ANK2: variants seen among roughly 807,000 people sequenced by gnomAD.
The protein encoded by ANK2 is ankyrin 2.
In ANK2, 83 loss-of-function variants were observed where a neutral mutation model predicts 360.5. The observed-to-expected ratio is 0.23, with a 90% CI of 0.19 to 0.28. ANK2 has a LOEUF of 0.28. Ranked by LOEUF, ANK2 falls within the 10% of genes least tolerant of loss-of-function variation. The pLI is 1.00. For missense variants in ANK2, 4,201 were observed against 4,795.7 expected (o/e 0.88, Z 3.66); for synonymous variants, 1,740 against 1,759.5 (o/e 0.99, Z 0.28).
intron 24 of ANK2, among the ~76,000 whole-genome samples, chr4:113,314,256 T>G (rs1234568573): frequency 3.3e-5 from 5 of 152,228 alleles, no homozygotes; most frequent in African/African-American, 1.2e-4. Flanking sequence ...AGAAGCTTCT[T>G]CATATCTTAA....
intron 2 of ANK2, among the ~76,000 whole-genome samples, chr4:112,930,354 G>A (rs2093060435): frequency 6.6e-6 from 1 of 151,940 alleles, no homozygotes; most frequent in African/African-American, 2.4e-5. Flanking sequence ...AGGCTGAGGT[G>A]GGAGGATCAC....
At chr4:113,218,673 A>G (rs1419847907) in intron 4 of ANK2, among the ~76,000 whole-genome samples, 1 of 152,174 alleles carries the variant, frequency 6.6e-6, no homozygotes, top group Non-Finnish European at 1.5e-5. Context: ...TTTTGATGTT[A>G]GGTGTGTTTT....
At chr4:113,147,880 C>A (rs1443722958) in intron 1 of ANK2, among the ~76,000 whole-genome samples, 1 of 152,202 alleles carries the variant, frequency 6.6e-6, no homozygotes, top group Non-Finnish European at 1.5e-5. Flanking sequence ...GAACAAAACT[C>A]AGCTGTTTTT....
At chr4:112,774,944 C>T in the ANK2 span, among the ~76,000 whole-genome samples, 15 of 152,152 alleles carry the variant, frequency 9.9e-5, no homozygotes, top group East Asian at 1.2e-3. Context: ...AGAATCAGGC[C>T]GCTGGAGAAT....
intron 2 of ANK2, among the ~76,000 whole-genome samples, chr4:112,954,597 T>C (rs188534418): frequency 1.3e-5 from 2 of 152,332 alleles, no homozygotes; most frequent in African/African-American, 4.8e-5. Flanking sequence ...TGGGTTTTAC[T>C]ACTCATTGAT....
rs368659061 is a variant in ANK2, at chr4:113,113,569, C to A, written c.85-60847C>A. ...ATGTGAACGGACAGTGTGCTCCTTA[C>A]CTTTGAAGGCAGACACAAGTTTATC... is the stretch of plus-strand genomic sequence containing the variant. On this transcript the variant is annotated intron_variant, in intron 1 of 45. Transcript: ENST00000357077. Among the ~76,000 whole-genome samples the A allele has an allele frequency of 1.4e-4, 21 of 152,156 alleles. No individual in the cohort carries two copies. In the East Asian group the frequency reaches 1.5e-3, roughly 11 times the overall value.
chr4:113,258,253 A>G (rs2050597181), intron 12 of ANK2, 60 bp from the exon 13 acceptor site: 1 of 1,588,414 alleles, frequency 6.3e-7, no homozygotes, highest in South Asian at 1.1e-5. Context: ...TATTTATCTG[A>G]AGAAGCCCCA....
At chr4:112,773,101 T>G in the ANK2 span, among the ~76,000 whole-genome samples, 1 of 152,130 alleles carries the variant, frequency 6.6e-6, no homozygotes, top group African/African-American at 2.4e-5. Flanking sequence ...GCAGATCACT[T>G]GAGCCCTGGG....
chr4:113,130,711 A>G (rs928566578), intron 1 of ANK2, among the ~76,000 whole-genome samples: 6 of 152,188 alleles, frequency 3.9e-5, no homozygotes, highest in African/African-American at 7.2e-5. Flanking sequence ...CCTAATAACC[A>G]TAGGTTTCTA....
intron 2 of ANK2, among the ~76,000 whole-genome samples, chr4:113,181,078 A>G (rs970495229): frequency 2.0e-5 from 3 of 152,230 alleles, no homozygotes; most frequent in Admixed American, 1.3e-4. Flanking sequence ...AAGTAAATCC[A>G]GTAGAGAGTT....
chr4:113,202,687 A>T (rs900082565), intron 4 of ANK2, among the ~76,000 whole-genome samples: 8 of 152,212 alleles, frequency 5.3e-5, no homozygotes, highest in Non-Finnish European at 1.2e-4. Flanking sequence ...TTGGAATTAT[A>T]GGTTATGGGG....
chr4:113,318,583 G>C lies in ANK2; in HGVS notation c.2863G>C (p.Asp955His), dbSNP rs768070511. ...CCTAAGCTGGGGCACTGAGAACTTAGACAACGTGGCTCTTTCTTCTAGTCC... is the reference window on the plus strand; with the variant it reads ...CCTAAGCTGGGGCACTGAGAACTTACACAACGTGGCTCTTTCTTCTAGTCC... ...YRLSWGTENLDNVALSSSPIH... is the reference protein window; with the variant it reads ...YRLSWGTENLHNVALSSSPIH... The change falls in exon 26 of 46, where the codon GAC becomes CAC. Residue 955 changes from aspartate to histidine, a missense_variant. Coordinates refer to ENST00000357077, the MANE Select transcript of ANK2 (RefSeq NM_001148.6). 2.5e-6 allele frequency: 4 copies of C among 1,613,706 alleles called. No individual in the cohort carries two copies. The highest frequency in any genetic ancestry group is 1.7e-5 in the Admixed American group (1 of 60,008).
At chr4:113,132,070 A>T (rs2096072357) in intron 1 of ANK2, among the ~76,000 whole-genome samples, 1 of 152,216 alleles carries the variant, frequency 6.6e-6, no homozygotes, top group African/African-American at 2.4e-5. Flanking sequence ...ATATAAAAGA[A>T]AAAATAGAAA....
intron 1 of ANK2, chr4:112,826,315 G>A: frequency 1.3e-6 from 1 of 782,822 alleles, no homozygotes; most frequent in South Asian, 1.7e-5. Context: ...TTTTGCTTCA[G>A]ACTTCGAAAA....
chr4:113,073,794 T>C (rs1322062512), intron 1 of ANK2, among the ~76,000 whole-genome samples: 1 of 152,224 alleles, frequency 6.6e-6, no homozygotes, highest in Non-Finnish European at 1.5e-5. Context: ...CCTCATCCAA[T>C]GGTGCCCAGG....
chr4:113,232,321 A>G, intron 5 of ANK2, 62 bp downstream of exon 5: 1 of 1,265,160 alleles, frequency 7.9e-7, no homozygotes, highest in Non-Finnish European at 1.2e-6. Flanking sequence ...TCTTTATATC[A>G]GGCTGCAAAT....
chr4:112,953,280 C>A (rs2154254182), intron 2 of ANK2, among the ~76,000 whole-genome samples: 1 of 152,272 alleles, frequency 6.6e-6, no homozygotes, highest in East Asian at 1.9e-4. Context: ...TTAAGTTTAT[C>A]CATTGTTTAG....
At chr4:112,716,932 C>A in the ANK2 span, among the ~76,000 whole-genome samples, 1 of 152,084 alleles carries the variant, frequency 6.6e-6, no homozygotes, top group African/African-American at 2.4e-5. Flanking sequence ...TACATCATGC[C>A]TTTTTAATAA....
At chr4:112,748,576 G>C in the ANK2 span, among the ~76,000 whole-genome samples, 2 of 152,122 alleles carry the variant, frequency 1.3e-5, no homozygotes, top group Admixed American at 1.3e-4. Flanking sequence ...TTTATGCACA[G>C]ACAGCACATT....
Sources: allele counts gnomAD v4.1 joint callset (sites outside exome capture counted in the v4.1 genomes callset), GRCh38; gene constraint gnomAD v4.1.1; transcripts MANE v1.5; gene names NCBI Gene and HGNC (gene_info 2026-07-23, HGNC 2026-07-21).